DCLK1: variants seen among roughly 807,000 people sequenced by gnomAD.
DCLK1 encodes serine/threonine-protein kinase DCLK1.
Under a neutral mutation model 86.2 loss-of-function variants are expected in DCLK1, and 16 were observed. The ratio of observed to expected loss-of-function variants is 0.19; its 90% CI spans 0.13 to 0.28. The LOEUF is 0.28. DCLK1 is among the 10% of genes least tolerant of loss of function. The pLI is 1.00. For missense variants in DCLK1, 590 were observed against 940.2 expected (o/e 0.63, Z 4.87); for synonymous variants, 369 against 370.5 (o/e 1.00, Z 0.05).
chr13:35,797,672 C>T (rs1370967291), intron 15 of DCLK1, among the ~76,000 whole-genome samples: 1 of 152,036 alleles, frequency 6.6e-6, no homozygotes, highest in East Asian at 1.9e-4. Context: ...TAAACACACA[C>T]ACACACACAC....
intron 2 of DCLK1, among the ~76,000 whole-genome samples, chr13:36,121,040 A>G (rs1367419897): frequency 6.6e-6 from 1 of 152,190 alleles, no homozygotes; most frequent in African/African-American, 2.4e-5. Flanking sequence ...CTCCTACATG[A>G]CTGGAAAACA....
At chr13:35,878,260 A>G (rs1340338511) in intron 4 of DCLK1, among the ~76,000 whole-genome samples, 1 of 152,208 alleles carries the variant, frequency 6.6e-6, no homozygotes, top group Non-Finnish European at 1.5e-5. Context: ...CATACTTCGC[A>G]GCAGCATTAC....
chr13:35,824,812 G>A (rs1408500531), intron 10 of DCLK1, among the ~76,000 whole-genome samples: 2 of 152,050 alleles, frequency 1.3e-5, no homozygotes, highest in Non-Finnish European at 2.9e-5. Flanking sequence ...TTAATTTCCT[G>A]TCTTGCCACT....
At chr13:36,055,922 G>A (rs953980539) in intron 3 of DCLK1, among the ~76,000 whole-genome samples, 1 of 152,192 alleles carries the variant, frequency 6.6e-6, no homozygotes, top group Non-Finnish European at 1.5e-5. Flanking sequence ...TAACTGGTGT[G>A]AGATGATATC....
chr13:35,850,108 T>C, intron 6 of DCLK1: 1 of 985,128 alleles, frequency 1.0e-6, no homozygotes, highest in Non-Finnish European at 1.2e-6. Context: ...TGTGTCGTTG[T>C]CATAATTTTT....
chr13:35,784,722 C>G (rs543975590), intron 16 of DCLK1, among the ~76,000 whole-genome samples: 1 of 152,124 alleles, frequency 6.6e-6, no homozygotes, highest in African/African-American at 2.4e-5. Context: ...GCCCTGGCTG[C>G]CAACCATGCT....
At chr13:35,961,755 T>C (rs1295496369) in intron 3 of DCLK1, among the ~76,000 whole-genome samples, 1 of 152,162 alleles carries the variant, frequency 6.6e-6, no homozygotes, top group Non-Finnish European at 1.5e-5. Flanking sequence ...TTTAAAGGTT[T>C]AAAACCACAA....
At chr13:35,817,759 A>G (rs943627662) in intron 11 of DCLK1, among the ~76,000 whole-genome samples, 1 of 152,160 alleles carries the variant, frequency 6.6e-6, no homozygotes, top group South Asian at 2.1e-4. Context: ...TCAGGGAAAG[A>G]AGTCTAAGGG....
At chr13:35,943,811 C>T (rs1877223558) in intron 4 of DCLK1, among the ~76,000 whole-genome samples, 1 of 152,168 alleles carries the variant, frequency 6.6e-6, no homozygotes, top group African/African-American at 2.4e-5. Context: ...CAAATTCGTC[C>T]ATTTGTCATC....
chr13:35,793,591 G>A, intron 15 of DCLK1, 112 bp from the exon 16 acceptor site: 1 of 754,106 alleles, frequency 1.3e-6, no homozygotes, highest in Non-Finnish European at 2.1e-6. Context: ...TAAGATGTCA[G>A]AAATAAACCA....
chr13:35,927,161 A>G lies in DCLK1; in HGVS notation c.823+20197T>C, dbSNP rs74885652. ...CAACAATTAGGAATTTTATGGAGCA[A>G]AAGTAATCCAGTTTCCAAATTATCT... On this transcript the variant is annotated intron_variant, in intron 4 of 16. Coordinates refer to ENST00000360631, the MANE Select transcript of DCLK1 (RefSeq NM_001330071.2). Among the ~76,000 whole-genome samples, 1,122 of 152,356 alleles carry G rather than the reference A, an allele frequency of 7.4e-3. 18 individuals carry two copies. The highest frequency in any genetic ancestry group is 0.025 in the African/African-American group (1,058 of 41,574).
intron 3 of DCLK1, among the ~76,000 whole-genome samples, chr13:36,059,871 T>C (rs1199609038): frequency 2.0e-5 from 3 of 150,004 alleles, no homozygotes; most frequent in Admixed American, 6.7e-5. Context: ...TAAATCTCTT[T>C]TTTTTTTTTT....
rs189400550 is a variant in DCLK1, at chr13:35,938,411, C to T, written c.823+8947G>A. 4.8e-3 allele frequency among the ~76,000 whole-genome samples: 734 copies of T among 152,168 alleles called. 7 individuals are homozygous for T. The highest frequency in any genetic ancestry group is 0.017 in the African/African-American group (694 of 41,492). On this transcript the variant is annotated intron_variant, in intron 4 of 16. Coordinates refer to ENST00000360631, the MANE Select transcript of DCLK1 (RefSeq NM_001330071.2). The stretch of plus-strand genomic sequence containing the variant: ...TTGGGAGGCCAAAGCGGGTGGATCA[C>T]GAGGTCAGGAGATGGAGACCATCCT...
At chr13:35,908,118 G>T (rs1314863980) in intron 4 of DCLK1, among the ~76,000 whole-genome samples, 1 of 151,802 alleles carries the variant, frequency 6.6e-6, no homozygotes. Flanking sequence ...AATGGTTGGG[G>T]TACAATTTGT....
rs150150373 is a variant in DCLK1, at chr13:36,057,391, A to T, written c.723+54478T>A. On this transcript the variant is annotated intron_variant, in intron 3 of 16. Transcript: ENST00000360631. ...GGATTTAAGTGCCCCAGAGGGCTTAATCTTGAAAAATATTAGCGACTGTTA... is the reference window on the plus strand; with the variant it reads ...GGATTTAAGTGCCCCAGAGGGCTTATTCTTGAAAAATATTAGCGACTGTTA... Among the ~76,000 whole-genome samples the T allele has an allele frequency of 2.6e-5, 4 of 152,316 alleles. No homozygotes were observed. The East Asian group carries it at 7.7e-4, about 29-fold the overall frequency.
At chr13:36,065,704 A>G (rs1883722123) in intron 3 of DCLK1, among the ~76,000 whole-genome samples, 1 of 147,572 alleles carries the variant, frequency 6.8e-6, no homozygotes, top group Admixed American at 6.9e-5. Context: ...CTAGAGACTA[A>G]AGGTGACTAA....
At chr13:35,985,691 C>G (rs2153142548) in intron 3 of DCLK1, among the ~76,000 whole-genome samples, 1 of 152,302 alleles carries the variant, frequency 6.6e-6, no homozygotes, top group East Asian at 1.9e-4. Context: ...GATTTGGCAG[C>G]CTACAGGCTC....
rs773895195 is a variant in DCLK1, at chr13:35,871,350, G to A, written c.824-10C>T. ...TTTACCACTCGACATTCTGGGGAAAGAACAAAAACCACACATCATTATGGG... is the reference window on the plus strand; with the variant it reads ...TTTACCACTCGACATTCTGGGGAAAAAACAAAAACCACACATCATTATGGG... On this transcript the variant is annotated splice_polypyrimidine_tract_variant and intron_variant, in intron 4 of 16. Coordinates refer to ENST00000360631, the MANE Select transcript of DCLK1 (RefSeq NM_001330071.2). The A allele has an allele frequency of 6.2e-7, 1 of 1,607,552 alleles. No homozygotes were observed. Among genetic ancestry groups the A allele is most frequent in the Admixed American group, 1.7e-5 (1 of 59,660 alleles).
At chr13:35,859,601 A>G (rs1871268880) in intron 5 of DCLK1, among the ~76,000 whole-genome samples, 1 of 152,174 alleles carries the variant, frequency 6.6e-6, no homozygotes, top group East Asian at 1.9e-4. Context: ...GCATTGTTGA[A>G]TAATACTCCT....
Sources: gnomAD v4.1 joint callset for allele counts (sites outside exome capture counted in the v4.1 genomes callset) on GRCh38, gnomAD v4.1.1 for gene constraint, MANE v1.5 for transcripts, NCBI Gene and HGNC (gene_info 2026-07-23, HGNC 2026-07-21) for gene names.